The following NEURL1 variants were observed in gnomAD, a reference collection of about 807,000 sequenced individuals.
The protein encoded by NEURL1 is E3 ubiquitin-protein ligase NEURL1.
NEURL1 carries 26 observed loss-of-function variants against 41.2 expected under a neutral mutation model. The observed-to-expected ratio is 0.63, with a 90% CI of 0.46 to 0.87. NEURL1 has a LOEUF of 0.87. NEURL1 is among the 40% of genes least tolerant of loss of function. The pLI, the probability that NEURL1 is intolerant of heterozygous loss-of-function variation, is 0.00. For missense variants in NEURL1, 761 were observed against 871.1 expected, an observed-to-expected ratio of 0.87 and a Z score of 1.59; for synonymous variants, 400 against 402.3, an observed-to-expected ratio of 0.99 and a Z score of 0.07.
At chr10:103,548,329 T>G (rs1165478428) in intron 1 of NEURL1, among the ~76,000 whole-genome samples, 1 of 146,488 alleles carries the variant, frequency 6.8e-6, no homozygotes, top group Admixed American at 6.8e-5. Context: ...ATATGTATTT[T>G]TCTTTTTTTT....
At chr10:103,523,208 A>C (rs1357372729) in intron 1 of NEURL1, among the ~76,000 whole-genome samples, 13 of 152,026 alleles carry the variant, frequency 8.6e-5, no homozygotes, top group Non-Finnish European at 7.4e-5. Context: ...TAATCCCAAC[A>C]CTTTGGGAAG....
At chr10:103,523,126 G>T (rs765128966) in intron 1 of NEURL1, among the ~76,000 whole-genome samples, 4 of 151,932 alleles carry the variant, frequency 2.6e-5, no homozygotes, top group Non-Finnish European at 5.9e-5. Flanking sequence ...ATTTCTTTGT[G>T]CTGGGAACAT....
chr10:103,564,412 T>G (rs1475936348), intron 1 of NEURL1, among the ~76,000 whole-genome samples: 1 of 152,160 alleles, frequency 6.6e-6, no homozygotes. Context: ...TGTGCCTCTG[T>G]AGAGCAGTTG....
At chr10:103,503,440 G>C (rs1269964429) in intron 1 of NEURL1, among the ~76,000 whole-genome samples, 1 of 152,192 alleles carries the variant, frequency 6.6e-6, no homozygotes, top group Admixed American at 6.5e-5. Flanking sequence ...CTGCTCTAGT[G>C]ACAGTTCCAA....
chr10:103,527,483 TG>T (rs1216231431), intron 1 of NEURL1, among the ~76,000 whole-genome samples: 2 of 151,890 alleles, frequency 1.3e-5, no homozygotes, highest in Non-Finnish European at 2.9e-5. Flanking sequence ...GTAGCAGAGA[TG>T]GGGTTTCACC....
chr10:103,572,932 G>A (rs900785614), intron 3 of NEURL1, among the ~76,000 whole-genome samples: 13 of 150,940 alleles, frequency 8.6e-5, no homozygotes, highest in Non-Finnish European at 1.6e-4. Flanking sequence ...TTTTTCCTTC[G>A]TCTCCCATCT....
chr10:103,581,591 C>G (rs1299293252), intron 3 of NEURL1, among the ~76,000 whole-genome samples: 52 of 152,184 alleles, frequency 3.4e-4, no homozygotes, highest in Admixed American at 3.4e-3. Flanking sequence ...ATTCATTGCA[C>G]TTAACTGTGC....
At chr10:103,587,554 G>A (rs939007197) in intron 4 of NEURL1, among the ~76,000 whole-genome samples, 6 of 152,158 alleles carry the variant, frequency 3.9e-5, no homozygotes, top group African/African-American at 4.8e-5. Context: ...ATGTATGAAG[G>A]GTCATTATTA....
At chr10:103,515,030 C>G (rs1201806461) in intron 1 of NEURL1, among the ~76,000 whole-genome samples, 2 of 152,074 alleles carry the variant, frequency 1.3e-5, no homozygotes, top group Non-Finnish European at 1.5e-5. Context: ...GAGTTTGAGA[C>G]TGGCCTGGCC....
chr10:103,568,996 G>T (rs1054705692), intron 1 of NEURL1, among the ~76,000 whole-genome samples: 6 of 152,086 alleles, frequency 3.9e-5, no homozygotes, highest in African/African-American at 1.4e-4. Flanking sequence ...TGTATTTTTA[G>T]TAGAGATGGG....
chr10:103,538,088 CATTTATTT>C (rs755508466), intron 1 of NEURL1, among the ~76,000 whole-genome samples: 89 of 151,882 alleles, frequency 5.9e-4, no homozygotes, highest in Non-Finnish European at 1.0e-3. Context: ...ATCAATAATC[CATTTATTT>C]ATTTATTTAT....
chr10:103,549,220 C>T (rs1209049621), intron 1 of NEURL1: 1 of 152,518 alleles, frequency 6.6e-6, no homozygotes, highest in Non-Finnish European at 1.5e-5. Flanking sequence ...GGAGGGACCT[C>T]AACTCCATCC....
intron 1 of NEURL1, among the ~76,000 whole-genome samples, chr10:103,498,161 A>G (rs1174764452): frequency 6.6e-6 from 1 of 152,228 alleles, no homozygotes; most frequent in Admixed American, 6.5e-5. Context: ...TTGGAGAAAA[A>G]TACAAAGAAT....
At position 103,566,987 on chromosome 10, in the gene NEURL1, T is replaced by C. The variant is rs969535759; in HGVS notation, c.86-3885T>C. On this transcript the variant is annotated intron_variant, in intron 1 of 5. Coordinates refer to ENST00000369780, the MANE Select transcript of NEURL1 (RefSeq NM_004210.5). This position sits in a 1 kb window ranked among gnomAD's most constrained non-coding sequence, Gnocchi z 4.2. ...TTTGTTTCTTTTCTTTCTTTCTTTT[T>C]TTTTTTTTTGTTTGAGACAGAGTCT... 2.0e-5 allele frequency among the ~76,000 whole-genome samples: 3 copies of C among 151,970 alleles called. No homozygotes were observed. The highest frequency in any genetic ancestry group is 4.8e-5 in the African/African-American group (2 of 41,396).
At chr10:103,516,858 CCTTT>C (rs2034220176) in intron 1 of NEURL1, among the ~76,000 whole-genome samples, 1 of 152,038 alleles carries the variant, frequency 6.6e-6, no homozygotes, top group Non-Finnish European at 1.5e-5. Context: ...TCTCCTTTCT[CCTTT>C]CTTCCTTCCT....
intron 1 of NEURL1, among the ~76,000 whole-genome samples, chr10:103,552,126 G>A (rs2035043717): frequency 6.6e-6 from 1 of 152,154 alleles, no homozygotes; most frequent in African/African-American, 2.4e-5. Flanking sequence ...ACCCTGTGGG[G>A]TGCAGGATGC....
At chr10:103,575,561 CCAGA>C (rs2035642927) in intron 3 of NEURL1, among the ~76,000 whole-genome samples, 1 of 152,348 alleles carries the variant, frequency 6.6e-6, no homozygotes, top group Middle Eastern at 3.4e-3. Flanking sequence ...GGTTGTGTCC[CCAGA>C]CAGAGTGGAG....
chr10:103,582,933 T>C (rs1397139316), intron 3 of NEURL1, among the ~76,000 whole-genome samples: 1 of 152,230 alleles, frequency 6.6e-6, no homozygotes, highest in East Asian at 1.9e-4. Flanking sequence ...AGACCTTTTT[T>C]TCAATCCTGG....
chr10:103,573,959 G>A (rs997271713), intron 3 of NEURL1, among the ~76,000 whole-genome samples: 3 of 152,166 alleles, frequency 2.0e-5, no homozygotes, highest in Non-Finnish European at 4.4e-5. Flanking sequence ...GCCTTGGTCC[G>A]TCCATACGTC....
Sources: gnomAD v4.1 joint callset for allele counts (sites outside exome capture counted in the v4.1 genomes callset) on GRCh38, gnomAD v4.1.1 for gene constraint, Gnocchi (gnomAD v3.1) non-coding constraint, MANE v1.5 for transcripts, NCBI Gene and HGNC (gene_info 2026-07-23, HGNC 2026-07-21) for gene names.